Variants in VWA8 observed in about 807,000 individuals in gnomAD.
VWA8 encodes von Willebrand factor A domain-containing protein 8.
In VWA8, 221 loss-of-function variants were observed where a neutral mutation model predicts 241.5. The observed-to-expected ratio is 0.91, with a 90% CI of 0.82 to 1.02. The LOEUF (loss-of-function observed/expected upper bound fraction) is 1.02. Ranked by LOEUF, VWA8 falls within the 50% of genes least tolerant of loss-of-function variation. The probability of loss-of-function intolerance (pLI) is 0.00; values close to 1 mark genes in which losing one functional copy is unlikely to be tolerated. For synonymous variants in VWA8, 852 were observed against 827.1 expected, an observed-to-expected ratio of 1.03 and a Z score of -0.52; for missense variants, 2,322 against 2,328.7, an observed-to-expected ratio of 1.00 and a Z score of 0.06.
intron 13 of VWA8, among the ~76,000 whole-genome samples, chr13:41,831,859 A>G (rs1352761155): frequency 6.6e-6 from 1 of 151,874 alleles, no homozygotes; most frequent in African/African-American, 2.4e-5. Context: ...ACCTCAGGTG[A>G]TCCGCCCACC....
chr13:41,787,589 C>T lies in VWA8; in HGVS notation c.2064-46G>A, dbSNP rs765686382. On this transcript the variant is annotated intron_variant, in intron 17 of 44. Transcript: ENST00000379310. ...AAGGGGGAAATGGCTTAAGTCAAAG[C>T]TTTCTGCGATTCTTAAATACACACA... is the stretch of plus-strand genomic sequence containing the variant. The T allele has an allele frequency of 3.6e-6, 4 of 1,104,744 alleles. No individual in the cohort carries two copies. In the African/African-American group the frequency reaches 4.9e-5, roughly 14 times the overall value. 68.4% of individuals were successfully genotyped at this position (1,104,744 alleles called of 1,614,324 possible).
At chr13:41,617,824 AT>A (rs1169437378) in intron 37 of VWA8, among the ~76,000 whole-genome samples, 1 of 151,742 alleles carries the variant, frequency 6.6e-6, no homozygotes, top group African/African-American at 2.4e-5. Context: ...TGAACTCATC[AT>A]TTTTTATGGC....
chr13:41,762,635 C>T (rs2045748870), intron 20 of VWA8, among the ~76,000 whole-genome samples: 1 of 152,038 alleles, frequency 6.6e-6, no homozygotes, highest in Non-Finnish European at 1.5e-5. Context: ...TATACAGCAA[C>T]AATAGCAGAA....
intron 4 of VWA8, among the ~76,000 whole-genome samples, chr13:41,894,628 T>C (rs1009916014): frequency 1.3e-5 from 2 of 152,214 alleles, no homozygotes; most frequent in South Asian, 2.1e-4. Flanking sequence ...AAGTATATTA[T>C]GAGAAACAGG....
Position 41,868,358 on chromosome 13 carries a change from C to T in VWA8, c.1200G>A (p.Glu400=), listed in dbSNP as rs1375887944. The change falls in exon 10 of 45, where the codon GAG becomes GAA. Residue 400 remains glutamate, a synonymous_variant. Transcript: ENST00000379310. ...TGTGATTAATTACCTTAATGGTCAC[C>T]TCTTTATCTGCAATCCGGATGGTCA... ...ASVTIRIADK[E]VTIKVPAGTR... The T allele has an allele frequency of 1.2e-6, 2 of 1,613,860 alleles. No homozygotes were observed. The highest frequency in any genetic ancestry group is 1.3e-5 in the African/African-American group (1 of 74,900).
chr13:41,879,530 T>C (rs929046835), intron 9 of VWA8, among the ~76,000 whole-genome samples: 1 of 152,088 alleles, frequency 6.6e-6, no homozygotes, highest in African/African-American at 2.4e-5. Context: ...GCTTCTCTTA[T>C]AGATTCCGTC....
At chr13:41,940,070 G>T (rs913218780) in intron 2 of VWA8, among the ~76,000 whole-genome samples, 1 of 152,096 alleles carries the variant, frequency 6.6e-6, no homozygotes, top group Non-Finnish European at 1.5e-5. Context: ...TAGAGACATC[G>T]TAGCAGACTG....
intron 9 of VWA8, among the ~76,000 whole-genome samples, chr13:41,872,199 G>A (rs1308402693): frequency 6.6e-6 from 1 of 152,138 alleles, no homozygotes; most frequent in Non-Finnish European, 1.5e-5. Context: ...GTAGATTCTG[G>A]ATATTAGCCC....
chr13:41,758,418 A>ACGC (rs2045713312), intron 21 of VWA8, among the ~76,000 whole-genome samples: 2 of 72,952 alleles, frequency 2.7e-5, no homozygotes, highest in Non-Finnish European at 6.1e-5. Flanking sequence ...ATATATATAT[A>ACGC]TATATATATA....
chr13:41,827,407 T>C (rs1237563929), intron 14 of VWA8, among the ~76,000 whole-genome samples: 2 of 152,148 alleles, frequency 1.3e-5, no homozygotes, highest in Non-Finnish European at 2.9e-5. Flanking sequence ...TCAATGAAAG[T>C]ATACTGTTTA....
intron 4 of VWA8, among the ~76,000 whole-genome samples, chr13:41,893,719 A>G (rs1874964491): frequency 6.6e-6 from 1 of 152,140 alleles, no homozygotes; most frequent in Admixed American, 6.5e-5. Flanking sequence ...CCCCGTCTCT[A>G]CTAGAAATAC....
chr13:41,637,590 TAATA>T (rs1256008353), intron 37 of VWA8, among the ~76,000 whole-genome samples: 1 of 151,364 alleles, frequency 6.6e-6, no homozygotes, highest in African/African-American at 2.4e-5. Flanking sequence ...AAAAAATAAA[TAATA>T]AAAAAAGAAC....
chr13:41,928,157 G>T lies in VWA8; in HGVS notation c.242-15989C>A, dbSNP rs535505956. Among the ~76,000 whole-genome samples the T allele has an allele frequency of 2.0e-5, 3 of 152,194 alleles. No individual in the cohort carries two copies. The East Asian group carries it at 5.8e-4, about 29-fold the overall frequency. ...AAAGAGCAATACAATAATCATAGAG[G>T]ACTTCAATTCTCAATTTTCAACAAA... On this transcript the variant is annotated intron_variant, in intron 2 of 44. Transcript: ENST00000379310.
At chr13:41,586,233 C>T (rs2139644286) in intron 42 of VWA8, among the ~76,000 whole-genome samples, 1 of 151,976 alleles carries the variant, frequency 6.6e-6, no homozygotes, top group African/African-American at 2.4e-5. Flanking sequence ...AAGTCGAACA[C>T]TGGTCTGCAA....
intron 4 of VWA8, among the ~76,000 whole-genome samples, chr13:41,896,136 A>G (rs1167349950): frequency 2.0e-5 from 3 of 152,122 alleles, no homozygotes; most frequent in Non-Finnish European, 4.4e-5. Context: ...TGTATGAACA[A>G]GAAACTCTTG....
intron 9 of VWA8, among the ~76,000 whole-genome samples, chr13:41,871,803 T>A (rs927081394): frequency 6.6e-6 from 1 of 152,204 alleles, no homozygotes; most frequent in Non-Finnish European, 1.5e-5. Context: ...TGATTTATAG[T>A]CCTTTGGGTA....
At chr13:41,754,110 AT>A (rs989760192) in intron 21 of VWA8, among the ~76,000 whole-genome samples, 3 of 151,308 alleles carry the variant, frequency 2.0e-5, no homozygotes, top group African/African-American at 7.3e-5. Context: ...CAGTGTATGT[AT>A]TTTTTTTTAT....
intron 35 of VWA8, among the ~76,000 whole-genome samples, chr13:41,675,790 G>A (rs939067909): frequency 1.1e-4 from 16 of 151,948 alleles, no homozygotes; most frequent in African/African-American, 3.9e-4. Flanking sequence ...TGTAAAATGG[G>A]GATAACAACC....
chr13:41,793,245 AT>A (rs1869536259), intron 17 of VWA8, among the ~76,000 whole-genome samples: 1 of 152,088 alleles, frequency 6.6e-6, no homozygotes, highest in Non-Finnish European at 1.5e-5. Flanking sequence ...CTTTTTCTCC[AT>A]TTAGTAGAAT....
Sources: gnomAD v4.1 joint callset for allele counts (sites outside exome capture counted in the v4.1 genomes callset) on GRCh38, gnomAD v4.1.1 for gene constraint, MANE v1.5 for transcripts, NCBI Gene and HGNC (gene_info 2026-07-23, HGNC 2026-07-21) for gene names.